The following RGS7 variants were observed in gnomAD, a reference collection of about 807,000 sequenced individuals.
The protein encoded by RGS7 is regulator of G protein signaling 7, also known as regulator of G-protein signaling 7.
In RGS7, 27 loss-of-function variants were observed where a neutral mutation model predicts 81.1. That is an observed-to-expected ratio of 0.33 (90% CI 0.25 to 0.46). The LOEUF (loss-of-function observed/expected upper bound fraction) is 0.46, where lower values mean the gene tolerates loss of function less well. Ranked by LOEUF, RGS7 falls within the 20% of genes least tolerant of loss-of-function variation. The pLI, the probability that RGS7 is intolerant of heterozygous loss-of-function variation, is 1.00. For missense variants in RGS7, 396 were observed against 607.4 expected, an observed-to-expected ratio of 0.65 and a Z score of 3.66; for synonymous variants, 208 against 207.7, an observed-to-expected ratio of 1.00 and a Z score of -0.01.
intron 3 of RGS7, among the ~76,000 whole-genome samples, chr1:241,068,257 T>TATATATATATATATAA (rs1433690559): frequency 0.051 from 3,662 of 72,082 alleles, 731 homozygotes; most frequent in Admixed American, 0.072. Flanking sequence ...TATATATATA[T>TATATATATATATATAA]AAAATATTGT....
intron 14 of RGS7, among the ~76,000 whole-genome samples, chr1:240,810,641 G>A (rs1268441432): frequency 1.3e-5 from 2 of 152,000 alleles, no homozygotes; most frequent in Non-Finnish European, 2.9e-5. Flanking sequence ...TGTAGAGATG[G>A]AGTTTGCCAT....
intron 2 of RGS7, among the ~76,000 whole-genome samples, chr1:241,230,381 T>A (rs1204796486): frequency 6.6e-6 from 1 of 152,034 alleles, no homozygotes. Context: ...GCCTGACTAA[T>A]TTTTGTATTT....
intron 2 of RGS7, among the ~76,000 whole-genome samples, chr1:241,242,315 T>TAGAA (rs1200248037): frequency 7.8e-6 from 1 of 127,686 alleles, no homozygotes; most frequent in Non-Finnish European, 1.8e-5. Flanking sequence ...AGTAGATAGA[T>TAGAA]AGATAGATAG....
In RGS7 at chr1:240,868,117, G is replaced by GGAAAGAAAGAAAGAAAGAAAGAAAGAAA. The variant is rs71172654; in HGVS notation, c.609+442_609+469dup. 3.1e-3 allele frequency among the ~76,000 whole-genome samples: 385 copies of GGAAAGAAAGAAAGAAAGAAAGAAAGAAA among 122,502 alleles called. No individual in the cohort carries two copies. Among genetic ancestry groups the GGAAAGAAAGAAAGAAAGAAAGAAAGAAA allele is most frequent in the African/African-American group, 6.0e-3 (149 of 24,800 alleles). 80.4% of individuals were successfully genotyped at this position (122,502 alleles called of 152,430 possible). A position where few individuals can be genotyped will look rare whatever the true frequency, so the allele number is the denominator to read the frequency against. On this transcript the variant is annotated intron_variant, in intron 9 of 18. Transcript: ENST00000440928. This position sits in a 1 kb window ranked among gnomAD's most constrained non-coding sequence, Gnocchi z 5.1. ...GAAAAGAAAAAGAAAGAAAAGAAAA[G>GGAAAGAAAGAAAGAAAGAAAGAAAGAAA]GAAAGAAAGAAAGAAAGAAAGAAAG...
chr1:241,338,942 A>T (rs1423373768), intron 2 of RGS7, among the ~76,000 whole-genome samples: 1 of 152,038 alleles, frequency 6.6e-6, no homozygotes, highest in East Asian at 1.9e-4. Context: ...CAGATTTGTT[A>T]CATAGGTGAA....
At chr1:241,346,158 A>AAC (rs397766613) in intron 2 of RGS7, among the ~76,000 whole-genome samples, 1 of 151,582 alleles carries the variant, frequency 6.6e-6, no homozygotes, top group African/African-American at 2.4e-5. Context: ...GATAAAAAAA[A>AAC]CTGTCAACAG....
intron 3 of RGS7, among the ~76,000 whole-genome samples, chr1:241,015,462 T>C (rs1003821023): frequency 6.6e-6 from 1 of 152,224 alleles, no homozygotes; most frequent in African/African-American, 2.4e-5. Flanking sequence ...AACTTAAACA[T>C]CTAATATATA....
chr1:240,831,783 G>T (rs559896216), intron 9 of RGS7, among the ~76,000 whole-genome samples: 1 of 152,104 alleles, frequency 6.6e-6, no homozygotes, highest in East Asian at 1.9e-4. Context: ...TTACAGGCGG[G>T]TGCCACCACA....
intron 2 of RGS7, among the ~76,000 whole-genome samples, chr1:241,339,744 T>A (rs1330696480): frequency 6.6e-6 from 1 of 152,172 alleles, no homozygotes; most frequent in African/African-American, 2.4e-5. Flanking sequence ...GCCCTTTTTT[T>A]AAGAGCGCTT....
intron 9 of RGS7, among the ~76,000 whole-genome samples, chr1:240,857,695 T>C (rs1457011889): frequency 6.6e-6 from 1 of 152,190 alleles, no homozygotes; most frequent in Non-Finnish European, 1.5e-5. Context: ...CCATGTCTTT[T>C]TGTGGCTTGA....
At chr1:241,101,660 C>T (rs1298611011) in intron 2 of RGS7, among the ~76,000 whole-genome samples, 2 of 152,114 alleles carry the variant, frequency 1.3e-5, no homozygotes, top group Non-Finnish European at 2.9e-5. Flanking sequence ...TAGACATACT[C>T]TGATGACTTT....
chr1:241,283,292 T>C (rs2078623684), intron 2 of RGS7, among the ~76,000 whole-genome samples: 1 of 152,194 alleles, frequency 6.6e-6, no homozygotes, highest in Admixed American at 6.5e-5. Context: ...TCCTTTCTGT[T>C]TAGAGAATTT....
At chr1:240,995,465 GT>G (rs1333480805) in intron 3 of RGS7, among the ~76,000 whole-genome samples, 1 of 152,000 alleles carries the variant, frequency 6.6e-6, no homozygotes, top group African/African-American at 2.4e-5. Context: ...TGGAGATTTT[GT>G]TTTTAGAGAT....
chr1:240,998,751 A>G, intron 3 of RGS7: 1 of 790,626 alleles, frequency 1.3e-6, no homozygotes. Context: ...ATCGTGCGGA[A>G]TGAGGGCCAG....
At chr1:240,979,653 G>A (rs986617702) in intron 4 of RGS7, among the ~76,000 whole-genome samples, 1 of 152,126 alleles carries the variant, frequency 6.6e-6, no homozygotes, top group Non-Finnish European at 1.5e-5. Context: ...GTTATGAATT[G>A]GAGCATTCTC....
intron 2 of RGS7, among the ~76,000 whole-genome samples, chr1:241,127,762 A>G (rs934609675): frequency 6.6e-6 from 1 of 152,260 alleles, no homozygotes; most frequent in Admixed American, 6.5e-5. Context: ...AAAAGTTTAA[A>G]TAGTGTTGAC....
chr1:240,846,354 A>G (rs79553775), intron 9 of RGS7, among the ~76,000 whole-genome samples: 2,551 of 152,298 alleles, frequency 0.017, 65 homozygotes, highest in African/African-American at 0.057. Context: ...GACATTCTTT[A>G]GTTTAGGAGG....
chr1:240,992,887 CACCTGTAGGCCCAGCTA>C, intron 3 of RGS7, among the ~76,000 whole-genome samples: 1 of 150,432 alleles, frequency 6.6e-6, no homozygotes, highest in South Asian at 2.1e-4. Context: ...TGGTGGCGTG[CACCTGTAGGCCCAGCTA>C]CTCAGGAACC....
chr1:240,947,949 G>T (rs993881121), intron 4 of RGS7, among the ~76,000 whole-genome samples: 2 of 151,982 alleles, frequency 1.3e-5, no homozygotes, highest in South Asian at 4.2e-4. Context: ...CCAAGCATGC[G>T]CAGGCCTTAG....
Sources: gnomAD v4.1 joint callset for allele counts (sites outside exome capture counted in the v4.1 genomes callset) on GRCh38, gnomAD v4.1.1 for gene constraint, Gnocchi (gnomAD v3.1) non-coding constraint, MANE v1.5 for transcripts, NCBI Gene and HGNC (gene_info 2026-07-23, HGNC 2026-07-21) for gene names.